TSC22D2: variants seen among roughly 807,000 people sequenced by gnomAD.
The protein encoded by TSC22D2 is TSC22 domain family protein 2.
TSC22D2 carries 5 observed loss-of-function variants against 50.1 expected under a neutral mutation model. The ratio of observed to expected loss-of-function variants is 0.10; its 90% CI spans 0.05 to 0.21. TSC22D2 has a LOEUF of 0.21. TSC22D2 is among the 10% of genes least tolerant of loss of function. The pLI is 1.00. For synonymous variants in TSC22D2, 501 were observed against 450.1 expected, an observed-to-expected ratio of 1.11 and a Z score of -1.43; for missense variants, 1,003 against 1,015.5, an observed-to-expected ratio of 0.99 and a Z score of 0.17.
In TSC22D2 at chr3:150,462,378, C is replaced by G. The variant is rs1039917849; in HGVS notation, c.*3742C>G. 6.6e-6 allele frequency: 1 copy of G among 152,144 alleles called. No individual in the cohort carries two copies. The highest frequency in any genetic ancestry group is 2.4e-5 in the African/African-American group (1 of 41,424). The allele number at this position is 152,144 out of a possible 1,614,324, so 9.4% of individuals were successfully genotyped here. A position where few individuals can be genotyped will look rare whatever the true frequency, so the allele number is the denominator to read the frequency against. ...TTGAATGGTTTTAAGCAATGGGATA[C>G]TATGCTCAAATTATGCTGGATGTGC... On this transcript the variant is annotated 3_prime_UTR_variant, in exon 3 of 3. Coordinates refer to ENST00000688009, the MANE Select transcript of TSC22D2 (RefSeq NM_001303264.2).
chr3:150,449,125 T>C (rs80209812), intron 1 of TSC22D2, among the ~76,000 whole-genome samples: 6,287 of 152,188 alleles, frequency 0.041, 159 homozygotes, highest in Middle Eastern at 0.075. Flanking sequence ...ATATCACTTA[T>C]GTTGATCATT....
chr3:150,430,364 C>CA (rs1720339101), intron 1 of TSC22D2, among the ~76,000 whole-genome samples: 1 of 152,042 alleles, frequency 6.6e-6, no homozygotes, highest in East Asian at 1.9e-4. Flanking sequence ...AGATTAGAGA[C>CA]AGAGATTCTA....
At chr3:150,422,092 T>C (rs1156436023) in intron 1 of TSC22D2, among the ~76,000 whole-genome samples, 2 of 152,178 alleles carry the variant, frequency 1.3e-5, no homozygotes, top group Non-Finnish European at 2.9e-5. Flanking sequence ...AGTTAATGAG[T>C]GTAAAGCACT....
chr3:150,411,478 A>G (rs1719567419), intron 1 of TSC22D2, among the ~76,000 whole-genome samples, 170 bp downstream of exon 1: 1 of 152,194 alleles, frequency 6.6e-6, no homozygotes, highest in Non-Finnish European at 1.5e-5. Context: ...CAAAGGGTGT[A>G]ATGAGCGAAT....
chr3:150,432,108 A>G (rs974678183), intron 1 of TSC22D2, among the ~76,000 whole-genome samples: 1 of 152,288 alleles, frequency 6.6e-6, no homozygotes, highest in Non-Finnish European at 1.5e-5. Flanking sequence ...CTCTTCTCTT[A>G]GCTTTTCTAT....
intron 2 of TSC22D2, among the ~76,000 whole-genome samples, 177 bp downstream of exon 2, chr3:150,457,304 T>TA (rs1278966337): frequency 1.3e-5 from 2 of 152,212 alleles, no homozygotes; most frequent in Non-Finnish European, 2.9e-5. Flanking sequence ...AGTCTAGAAA[T>TA]ACTATTTAAG....
At chr3:150,454,717 G>A (rs934872634) in intron 1 of TSC22D2, among the ~76,000 whole-genome samples, 1 of 152,190 alleles carries the variant, frequency 6.6e-6, no homozygotes, top group African/African-American at 2.4e-5. Context: ...GGTCACTATA[G>A]TGGTAGTAAT....
At position 150,411,074 on chromosome 3, in the gene TSC22D2, C is replaced by A; in HGVS notation, c.1724C>A (p.Ser575Tyr). The change falls in exon 1 of 3, where the codon TCT (serine) becomes TAT (tyrosine). Residue 575 changes from serine to tyrosine, a missense_variant. Ser to Tyr is a moderately radical substitution (Grantham distance 144). Transcript: ENST00000688009. ...AGCGCACCAACAAGTCTACCACAGT[C>A]TGACCTAAGCCAGTTTCAAACTCAG... ...THSAPTSLPQ[S>Y]DLSQFQTQTQ... 1 of 1,614,218 alleles carries A rather than the reference C, an allele frequency of 6.2e-7. No homozygotes were observed. The highest frequency in any genetic ancestry group is 8.5e-7 in the Non-Finnish European group (1 of 1,180,046).
At chr3:150,414,827 G>A (rs761208760) in intron 1 of TSC22D2, among the ~76,000 whole-genome samples, 26 of 151,646 alleles carry the variant, frequency 1.7e-4, no homozygotes, top group Non-Finnish European at 3.4e-4. Context: ...AAGTCTCACT[G>A]AATTGAAGTC....
chr3:150,412,724 A>G (rs1719638480), intron 1 of TSC22D2, among the ~76,000 whole-genome samples: 1 of 152,114 alleles, frequency 6.6e-6, no homozygotes, highest in Non-Finnish European at 1.5e-5. Flanking sequence ...GTGTGGGACT[A>G]CTAAGTAAAC....
chr3:150,410,671 A>G lies in TSC22D2; in HGVS notation c.1321A>G (p.Thr441Ala). The G allele has an allele frequency of 6.4e-7, 1 of 1,557,232 alleles. No homozygotes were observed. Among genetic ancestry groups the G allele is most frequent in the Non-Finnish European group, 8.7e-7 (1 of 1,153,474 alleles). ...SQPSEAMAPR[T>A]GPAQGGQVAP... ...GCCCAGCGAAGCCATGGCCCCCCGG[A>G]CGGGACCAGCGCAAGGCGGGCAGGT... is the stretch of plus-strand genomic sequence containing the variant. The change falls in exon 1 of 3, where the codon ACG (threonine) becomes GCG (alanine). Residue 441 changes from threonine (T) to alanine (A), a missense_variant. By Grantham distance (58) the Thr-to-Ala change is moderately conservative (BLOSUM62 0). Coordinates refer to ENST00000688009, the MANE Select transcript of TSC22D2 (RefSeq NM_001303264.2).
chr3:150,438,121 A>G (rs1720608687), intron 1 of TSC22D2: 1 of 309,450 alleles, frequency 3.2e-6, no homozygotes, highest in Non-Finnish European at 7.1e-6. Context: ...TAATCATGGT[A>G]AAACATAAAA....
intron 1 of TSC22D2, 98 bp downstream of exon 1, chr3:150,411,406 A>G (rs1001342540): frequency 1.2e-5 from 15 of 1,298,870 alleles, no homozygotes; most frequent in Non-Finnish European, 1.6e-5. Flanking sequence ...GGAGGCCCTT[A>G]GCATTTTTAA....
At chr3:150,438,245 G>C (rs1283499464) in intron 1 of TSC22D2, 1 of 427,374 alleles carries the variant, frequency 2.3e-6, no homozygotes, top group Non-Finnish European at 4.8e-6. Context: ...ACATAATAAT[G>C]ATCGAAAGCC....
chr3:150,420,288 T>C (rs1307905845), intron 1 of TSC22D2, among the ~76,000 whole-genome samples: 1 of 152,230 alleles, frequency 6.6e-6, no homozygotes, highest in Non-Finnish European at 1.5e-5. Flanking sequence ...TTATTGTTGC[T>C]GTTTGCTACA....
Position 150,464,256 on chromosome 3 carries a change from G to A in TSC22D2, c.*5620G>A, listed in dbSNP as rs559749973. 6.6e-6 allele frequency: 1 copy of A among 152,076 alleles called. No homozygotes were observed. The highest frequency in any genetic ancestry group is 1.9e-4 in the East Asian group (1 of 5,168). The allele number at this position is 152,076 out of a possible 1,614,324, so 9.4% of individuals were successfully genotyped here. On this transcript the variant is annotated 3_prime_UTR_variant, in exon 3 of 3. Transcript: ENST00000688009. ...TTCACAGGCATGCAATGTATCTATAGATAGGTCATATCATACCTGAGGAAG... is the reference window on the plus strand; with the variant it reads ...TTCACAGGCATGCAATGTATCTATAAATAGGTCATATCATACCTGAGGAAG...
At chr3:150,422,338 T>C (rs1720037514) in intron 1 of TSC22D2, among the ~76,000 whole-genome samples, 1 of 152,124 alleles carries the variant, frequency 6.6e-6, no homozygotes, top group Non-Finnish European at 1.5e-5. Flanking sequence ...TGGGAGATAG[T>C]CCAGAAGAGC....
chr3:150,409,659 C>G lies in TSC22D2; in HGVS notation c.309C>G (p.Asn103Lys), dbSNP rs960336573. The change falls in exon 1 of 3, where the codon AAC (asparagine) becomes AAG (lysine). Residue 103 changes from asparagine (N) to lysine (K), a missense_variant. Physicochemically the swap from Asn to Lys is moderately conservative, Grantham distance 94 (BLOSUM62 0). This residue lies in a region of TSC22D2 where 200 missense variants were observed against 182.8 expected (regional missense o/e 1.09). Transcript: ENST00000688009. The surrounding 1 kb of genome is among the most constrained non-coding windows in gnomAD (Gnocchi z 7.4). ...CAGCGGCGGCTGCTGCTCCCGCCAA[C>G]GGAGGAGGAGTCGTTTCGGCCCGGA... Reference protein sequence around the residue: ...QLAAAAAAPANGGGVVSARSV... With the variant: ...QLAAAAAAPAKGGGVVSARSV... 3 of 1,603,058 alleles carry G rather than the reference C, an allele frequency of 1.9e-6. No individual in the cohort carries two copies. The highest frequency in any genetic ancestry group is 2.2e-5 in the South Asian group (2 of 90,128).
intron 1 of TSC22D2, among the ~76,000 whole-genome samples, chr3:150,431,086 G>T (rs529864669): frequency 6.6e-6 from 1 of 151,586 alleles, no homozygotes; most frequent in South Asian, 2.1e-4. Context: ...TTAGCCAGGC[G>T]TGGTGGCAGG....
Sources: gnomAD v4.1 joint callset for allele counts (sites outside exome capture counted in the v4.1 genomes callset) on GRCh38, gnomAD v4.1.1 for gene constraint, gnomAD v4.1.1 regional missense constraint, Gnocchi (gnomAD v3.1) non-coding constraint, MANE v1.5 for transcripts, NCBI Gene and HGNC (gene_info 2026-07-23, HGNC 2026-07-21) for gene names.